The following MTUS1 variants were observed in gnomAD, a reference collection of about 807,000 sequenced individuals.
MTUS1 encodes the protein microtubule associated scaffold protein 1.
Under a neutral mutation model 120.8 loss-of-function variants are expected in MTUS1, and 109 were observed. The ratio of observed to expected loss-of-function variants is 0.90; its 90% confidence interval spans 0.77 to 1.06. The LOEUF (loss-of-function observed/expected upper bound fraction) is 1.06. Among genes scored for constraint, MTUS1 ranks in the 50% least tolerant of loss-of-function variants. The pLI is 0.00. For missense variants in MTUS1, 2,210 were observed against 1,486.3 expected, an observed-to-expected ratio of 1.49 and a Z score of -8.01; for synonymous variants, 737 against 550.5, an observed-to-expected ratio of 1.34 and a Z score of -4.74.
At chr8:17,760,045 C>T (rs540587382) in intron 1 of MTUS1, among the ~76,000 whole-genome samples, 27 of 146,096 alleles carry the variant, frequency 1.8e-4, no homozygotes, top group Admixed American at 7.1e-4. Flanking sequence ...CCTACCTCTA[C>T]GATTTCTTTT....
chr8:17,742,269 G>GTTTTTTTTTTTTTTTTTTTTTTTTTTT, intron 3 of MTUS1, among the ~76,000 whole-genome samples: 1 of 94,910 alleles, frequency 1.1e-5, no homozygotes, highest in East Asian at 3.2e-4. Flanking sequence ...ATGCCCAGCT[G>GTTTTTTTTTTTTTTTTTTTTTTTTTTT]TTTTTTTTTT....
intron 4 of MTUS1, among the ~76,000 whole-genome samples, chr8:17,720,757 TA>T (rs1331362016): frequency 2.0e-5 from 3 of 152,328 alleles, no homozygotes; most frequent in Admixed American, 1.3e-4. Flanking sequence ...TTAATGATCT[TA>T]AAAACTGGAT....
chr8:17,785,424 T>C (rs1011712235), intron 1 of MTUS1, among the ~76,000 whole-genome samples: 1 of 152,202 alleles, frequency 6.6e-6, no homozygotes, highest in Non-Finnish European at 1.5e-5. Context: ...TCAGATTTTA[T>C]GGACCTGTGA....
chr8:17,754,414 G>A lies in MTUS1; in HGVS notation c.1394C>T (p.Pro465Leu). 1 of 1,614,044 alleles carries A rather than the reference G, an allele frequency of 6.2e-7. No homozygotes were observed. Among genetic ancestry groups the A allele is most frequent in the South Asian group, 1.1e-5 (1 of 91,070 alleles). Residue 465 changes from proline to leucine, a missense_variant, in exon 2 of 15, where the codon CCA becomes CTA. By Grantham distance (98) the Pro-to-Leu change is moderately conservative (BLOSUM62 -3). Transcript: ENST00000693296. ...GTTCACAGGTGCCTCCTTCGAGTCT[G>A]GTATGTTTTTAAGCCCTCGATTACC... ...EKGNRGLKNIPDSKEAPVNLC... is the reference protein window; with the variant it reads ...EKGNRGLKNILDSKEAPVNLC...
At chr8:17,688,606 C>A (rs1816325338) in intron 6 of MTUS1, among the ~76,000 whole-genome samples, 1 of 152,170 alleles carries the variant, frequency 6.6e-6, no homozygotes, top group Non-Finnish European at 1.5e-5. Context: ...ATCTAAAAGC[C>A]CTCACAGGGA....
intron 6 of MTUS1, chr8:17,697,224 G>C: frequency 6.4e-7 from 1 of 1,569,466 alleles, no homozygotes; most frequent in Middle Eastern, 1.7e-4. Context: ...CATCCCCCGT[G>C]CAACACTAAA....
Position 17,748,864 on chromosome 8 carries a change from G to A in MTUS1, c.2091+4853C>T, listed in dbSNP as rs539076958. On this transcript the variant is annotated intron_variant, in intron 2 of 14. Coordinates refer to ENST00000693296, the MANE Select transcript of MTUS1 (RefSeq NM_001363059.2). The stretch of plus-strand genomic sequence containing the variant: ...TACATCCTAACAATCATCACCATAT[G>A]TATAATACATAGTATGCACCCAATA... 1.2e-4 allele frequency among the ~76,000 whole-genome samples: 18 copies of A among 152,284 alleles called. No individual in the cohort carries two copies. In the East Asian group the frequency reaches 3.5e-3, roughly 29 times the overall value.
chr8:17,687,315 C>T (rs916250470), intron 6 of MTUS1, among the ~76,000 whole-genome samples: 6 of 152,112 alleles, frequency 3.9e-5, no homozygotes, highest in Non-Finnish European at 5.9e-5. Flanking sequence ...GCACTCCTGG[C>T]TCAGCTGAAG....
At chr8:17,744,172 C>A (rs2047551350) in intron 2 of MTUS1, among the ~76,000 whole-genome samples, 2 of 152,198 alleles carry the variant, frequency 1.3e-5, no homozygotes, top group South Asian at 4.1e-4. Flanking sequence ...CCCTGCAAAG[C>A]TGTCTCTTGT....
rs527383046 is a variant in MTUS1 at position 17,756,251 on chromosome 8, T to C, written c.-154-290A>G. Among the ~76,000 whole-genome samples the C allele has an allele frequency of 2.6e-5, 4 of 152,304 alleles. No individual in the cohort carries two copies. The South Asian group carries it at 8.3e-4, about 32-fold the overall frequency. ...TGCCTCTCCCCCACTCCCAGGGACT[T>C]GTCAAAGAGAGGAGGAGGTAAATCT... On this transcript the variant is annotated intron_variant, in intron 1 of 14. Coordinates refer to ENST00000693296, the MANE Select transcript of MTUS1 (RefSeq NM_001363059.2).
chr8:17,771,944 GGACA>G (rs1311885780), intron 1 of MTUS1, among the ~76,000 whole-genome samples: 1 of 152,170 alleles, frequency 6.6e-6, no homozygotes, highest in African/African-American at 2.4e-5. Flanking sequence ...CACATTCTAT[GGACA>G]GAAACTTCAC....
At chr8:17,771,453 G>A (rs1292274810) in intron 1 of MTUS1, among the ~76,000 whole-genome samples, 2 of 152,178 alleles carry the variant, frequency 1.3e-5, no homozygotes, top group Admixed American at 6.5e-5. Context: ...TTCTTTCACA[G>A]ACATTGCAAT....
At chr8:17,785,977 AAAAAATTT>A (rs2051272156) in intron 1 of MTUS1, among the ~76,000 whole-genome samples, 1 of 152,122 alleles carries the variant, frequency 6.6e-6, no homozygotes, top group African/African-American at 2.4e-5. Flanking sequence ...CTCTGTCCCT[AAAAAATTT>A]AAAAATTAGC....
intron 3 of MTUS1, among the ~76,000 whole-genome samples, chr8:17,734,800 A>G (rs1383255944): frequency 6.6e-6 from 1 of 152,218 alleles, no homozygotes; most frequent in Admixed American, 6.5e-5. Flanking sequence ...GATAAGAACA[A>G]AAGAAGGTGC....
At chr8:17,669,448 A>C (rs928685771) in intron 8 of MTUS1, among the ~76,000 whole-genome samples, 5 of 151,434 alleles carry the variant, frequency 3.3e-5, no homozygotes, top group Non-Finnish European at 7.4e-5. Context: ...CTAGACGTGA[A>C]TTTGGACTGG....
At chr8:17,678,585 C>T (rs1326624696) in intron 7 of MTUS1, among the ~76,000 whole-genome samples, 1 of 152,082 alleles carries the variant, frequency 6.6e-6, no homozygotes, top group Admixed American at 6.6e-5. Context: ...AGAATAGCCA[C>T]ATCAGATGGC....
chr8:17,793,512 C>G (rs1253109723), intron 1 of MTUS1, among the ~76,000 whole-genome samples: 9 of 152,152 alleles, frequency 5.9e-5, no homozygotes, highest in Non-Finnish European at 1.0e-4. Flanking sequence ...CCCATGCCAT[C>G]AGAGCTCTAG....
At chr8:17,787,291 C>A (rs2051385614) in intron 1 of MTUS1, among the ~76,000 whole-genome samples, 1 of 152,210 alleles carries the variant, frequency 6.6e-6, no homozygotes, top group Admixed American at 6.5e-5. Context: ...CAGTCATCCT[C>A]CCAGTAGACA....
At chr8:17,724,174 A>G (rs926296245) in intron 3 of MTUS1, 5 of 466,464 alleles carry the variant, frequency 1.1e-5, no homozygotes, top group Non-Finnish European at 1.7e-5. Flanking sequence ...TGAAATAAAA[A>G]AATAAACAAA....
Sources: gnomAD v4.1 joint callset for allele counts (sites outside exome capture counted in the v4.1 genomes callset) on GRCh38, gnomAD v4.1.1 for gene constraint, MANE v1.5 for transcripts, NCBI Gene and HGNC (gene_info 2026-07-23, HGNC 2026-07-21) for gene names.